The following ZNF608 variants were observed in gnomAD, a reference collection of about 807,000 sequenced individuals.
ZNF608 encodes the protein zinc finger protein 608.
Under a neutral mutation model 109.0 loss-of-function variants are expected in ZNF608, and 12 were observed. The observed-to-expected ratio is 0.11, with a 90% CI of 0.07 to 0.18. The LOEUF is 0.18. ZNF608 is among the 10% of genes least tolerant of loss of function. The pLI, the probability that ZNF608 is intolerant of heterozygous loss-of-function variation, is 1.00. For missense variants in ZNF608, 1,707 were observed against 1,879.3 expected (o/e 0.91, Z 1.70); for synonymous variants, 732 against 717.4 (o/e 1.02, Z -0.33).
chr5:124,711,533 C>CA lies in ZNF608; in HGVS notation c.907-10265dup, dbSNP rs564696652. Reference sequence around the variant, plus strand: ...AAATCCACAAGTGAGTCCAAGGTGGCATAAGGACCTAGTTTGTGTGACAGG... The same window carrying CA: ...AAATCCACAAGTGAGTCCAAGGTGGCAATAAGGACCTAGTTTGTGTGACAGG... On this transcript the variant is annotated intron_variant, in intron 2 of 9. Transcript: ENST00000513986. Among the ~76,000 whole-genome samples, 15 of 152,324 alleles carry CA rather than the reference C, an allele frequency of 9.8e-5. 1 individual carries two copies. Among genetic ancestry groups the CA allele is most frequent in the Admixed American group, 9.1e-4 (14 of 15,304 alleles).
At chr5:124,722,933 C>T (rs565615514) in intron 2 of ZNF608, among the ~76,000 whole-genome samples, 11 of 151,724 alleles carry the variant, frequency 7.3e-5, no homozygotes, top group South Asian at 4.1e-4. Context: ...AGTAGAAATA[C>T]GACCCCCAAA....
chr5:124,729,746 C>T (rs1370505730), intron 2 of ZNF608, among the ~76,000 whole-genome samples: 1 of 152,136 alleles, frequency 6.6e-6, no homozygotes, highest in African/African-American at 2.4e-5. Flanking sequence ...TTGTTTCCCA[C>T]ACTCCCCCAA....
chr5:124,680,609 G>C (rs1490049822), intron 3 of ZNF608, among the ~76,000 whole-genome samples: 1 of 152,152 alleles, frequency 6.6e-6, no homozygotes, highest in Non-Finnish European at 1.5e-5. Context: ...TAGCTTCTCA[G>C]CGCACCACTC....
chr5:124,688,082 G>A (rs778218854), intron 3 of ZNF608, among the ~76,000 whole-genome samples: 27 of 152,252 alleles, frequency 1.8e-4, no homozygotes, highest in Non-Finnish European at 3.5e-4. Flanking sequence ...TGTTTGCAGA[G>A]ACAGCAACAA....
At chr5:124,721,334 G>A (rs1478116054) in intron 2 of ZNF608, among the ~76,000 whole-genome samples, 1 of 152,120 alleles carries the variant, frequency 6.6e-6, no homozygotes, top group East Asian at 1.9e-4. Flanking sequence ...CCTACTAAAA[G>A]AGAATCCAAT....
At chr5:124,690,849 G>T (rs148355871) in intron 3 of ZNF608, among the ~76,000 whole-genome samples, 387 of 151,484 alleles carry the variant, frequency 2.6e-3, no homozygotes, top group African/African-American at 8.7e-3. Context: ...GAAAAAGAAT[G>T]AAAAAATATT....
chr5:124,686,934 T>G (rs1015499383), intron 3 of ZNF608, among the ~76,000 whole-genome samples: 9 of 152,340 alleles, frequency 5.9e-5, no homozygotes, highest in Admixed American at 5.9e-4. Context: ...TTCCTTGTTA[T>G]GAAATATATA....
intron 3 of ZNF608, among the ~76,000 whole-genome samples, chr5:124,678,815 C>A (rs1297770993): frequency 6.6e-6 from 1 of 152,112 alleles, no homozygotes; most frequent in Non-Finnish European, 1.5e-5. Flanking sequence ...TCTGTGGTTG[C>A]CCTCAGATAT....
chr5:124,695,319 A>G (rs1397685791), intron 3 of ZNF608, among the ~76,000 whole-genome samples: 1 of 152,236 alleles, frequency 6.6e-6, no homozygotes, highest in Non-Finnish European at 1.5e-5. Context: ...AATACAAAGT[A>G]AGCCTGGATT....
chr5:124,665,568 G>C (rs548991068), intron 3 of ZNF608, among the ~76,000 whole-genome samples: 8 of 152,258 alleles, frequency 5.3e-5, no homozygotes, highest in African/African-American at 1.7e-4. Flanking sequence ...ATAATCTGAC[G>C]ATATAGCTGT....
intron 3 of ZNF608, among the ~76,000 whole-genome samples, chr5:124,653,486 C>G (rs1168758190): frequency 6.6e-6 from 1 of 152,224 alleles, no homozygotes; most frequent in African/African-American, 2.4e-5. Flanking sequence ...TCCATCCAAA[C>G]TCTGTACTTC....
At chr5:124,675,425 C>T (rs75958016) in intron 3 of ZNF608, among the ~76,000 whole-genome samples, 6,481 of 152,238 alleles carry the variant, frequency 0.043, 200 homozygotes, top group East Asian at 0.13. Context: ...GGAAAATTTA[C>T]AAAAAACACT....
At chr5:124,680,921 A>G (rs1752168141) in intron 3 of ZNF608, among the ~76,000 whole-genome samples, 1 of 152,184 alleles carries the variant, frequency 6.6e-6, no homozygotes, top group Non-Finnish European at 1.5e-5. Flanking sequence ...GATAAATTTG[A>G]AAAACTCTCC....
At position 124,744,777 on chromosome 5, in the gene ZNF608, A is replaced by T; in HGVS notation, c.213T>A (p.Ser71Arg). 1.9e-6 allele frequency: 3 copies of T among 1,614,194 alleles called. No individual in the cohort carries two copies. The highest frequency in any genetic ancestry group is 2.5e-6 in the Non-Finnish European group (3 of 1,180,036). Reference sequence around the variant, plus strand: ...CTAAGGCTGCGGTAGCACCAGCCCCACTGGAGGCCGGACCTCCACAATCCT... The same window carrying T: ...CTAAGGCTGCGGTAGCACCAGCCCCTCTGGAGGCCGGACCTCCACAATCCT... Reference protein sequence around the residue: ...NSKDCGGPASSGAGATAALAD... With the variant: ...NSKDCGGPASRGAGATAALAD... Residue 71 changes from serine to arginine, a missense_variant, in exon 2 of 10, where the codon AGT becomes AGA. Physicochemically the swap from Ser to Arg is moderately radical, Grantham distance 110 (BLOSUM62 -1). This residue lies in a region of ZNF608 where 407 missense variants were observed against 398.7 expected (regional missense o/e 1.02). Coordinates refer to ENST00000513986, the MANE Select transcript of ZNF608 (RefSeq NM_020747.3). The surrounding 1 kb of genome is among the most constrained non-coding windows in gnomAD (Gnocchi z 4.5).
intron 2 of ZNF608, chr5:124,708,855 C>T: frequency 2.3e-6 from 1 of 436,388 alleles, no homozygotes; most frequent in Admixed American, 2.6e-5. Context: ...CCAGAACCCC[C>T]ACCATGCCAA....
In ZNF608 at chr5:124,644,122, C is replaced by G; in HGVS notation, c.4123+122G>C. 5 of 898,654 alleles carry G rather than the reference C, an allele frequency of 5.6e-6. 1 individual carries two copies. The highest frequency in any genetic ancestry group is 8.1e-6 in the Non-Finnish European group (5 of 614,588). 55.7% of individuals were successfully genotyped at this position (898,654 alleles called of 1,614,324 possible). A position where few individuals can be genotyped will look rare whatever the true frequency, so the allele number is the denominator to read the frequency against. ...TCAGTTTTATCTTTGGGACTTTAAA[C>G]AGCATAAAAACAAGGAAAACAAATG... On this transcript the variant is annotated intron_variant, in intron 6 of 9. Transcript: ENST00000513986.
intron 2 of ZNF608, among the ~76,000 whole-genome samples, chr5:124,716,506 C>T (rs1337394573): frequency 1.3e-5 from 2 of 152,124 alleles, no homozygotes. Flanking sequence ...GTGCTCATGT[C>T]AAAGCCACTC....
intron 3 of ZNF608, among the ~76,000 whole-genome samples, chr5:124,662,868 G>T (rs746028785): frequency 6.6e-6 from 1 of 151,968 alleles, no homozygotes; most frequent in Non-Finnish European, 1.5e-5. Context: ...ATTTGTACTC[G>T]CCACAGTCCC....
At chr5:124,698,347 G>C (rs533052283) in intron 3 of ZNF608, among the ~76,000 whole-genome samples, 1 of 152,308 alleles carries the variant, frequency 6.6e-6, no homozygotes, top group Non-Finnish European at 1.5e-5. Context: ...TTATGACCCA[G>C]GCCTTTACTA....
Sources: allele counts gnomAD v4.1 joint callset (sites outside exome capture counted in the v4.1 genomes callset), GRCh38; gene constraint gnomAD v4.1.1; regional missense constraint gnomAD v4.1.1; non-coding constraint Gnocchi (gnomAD v3.1); transcripts MANE v1.5; gene names NCBI Gene and HGNC (gene_info 2026-07-23, HGNC 2026-07-21).